The following DZIP3 variants were observed in gnomAD, a reference collection of about 807,000 sequenced individuals.
DZIP3 encodes E3 ubiquitin-protein ligase DZIP3.
A neutral mutation model predicts 162.0 loss-of-function variants in DZIP3; 118 were observed. The observed-to-expected ratio is 0.73, with a 90% CI of 0.63 to 0.85. DZIP3 has a LOEUF of 0.85. DZIP3 is among the 40% of genes least tolerant of loss of function. The pLI, the probability that DZIP3 is intolerant of heterozygous loss-of-function variation, is 0.00. For missense variants in DZIP3, 1,331 were observed against 1,407.0 expected (o/e 0.95, Z 0.86); for synonymous variants, 438 against 458.6 (o/e 0.96, Z 0.57).
Position 108,611,224 on chromosome 3 carries a change from A to C in DZIP3, c.153A>C (p.Leu51=). The C allele has an allele frequency of 6.2e-7, 1 of 1,611,862 alleles. No individual in the cohort carries two copies. Among genetic ancestry groups the C allele is most frequent in the East Asian group, 2.2e-5 (1 of 44,774 alleles). ...CTGATCTTGTCCCTGTTAACCTACT[A>C]TTAGAAGTGAAGAAGTTATTAAATG... ...IPTDLVPVNL[L]LEVKKLLNAI... is the part of the protein sequence containing the mutation. Residue 51 remains leucine, a synonymous_variant, in exon 4 of 33, where the codon CTA becomes CTC. Transcript: ENST00000361582.
chr3:108,650,743 T>C (rs1018479089), intron 17 of DZIP3, among the ~76,000 whole-genome samples: 3 of 151,644 alleles, frequency 2.0e-5, no homozygotes, highest in African/African-American at 7.2e-5. Flanking sequence ...ATACATTGTG[T>C]CTAAAGGTAT....
chr3:108,690,459 G>T (rs1437095385), intron 31 of DZIP3, among the ~76,000 whole-genome samples: 1 of 152,158 alleles, frequency 6.6e-6, no homozygotes, highest in East Asian at 1.9e-4. Flanking sequence ...GATTATAAAT[G>T]AGAACAGTAT....
At chr3:108,599,530 G>C (rs1939883287) in intron 1 of DZIP3, among the ~76,000 whole-genome samples, 1 of 152,074 alleles carries the variant, frequency 6.6e-6, no homozygotes, top group South Asian at 2.1e-4. Flanking sequence ...TAACCTAATG[G>C]CCTCAGCCAT....
chr3:108,676,514 A>C (rs1944115373), intron 25 of DZIP3, among the ~76,000 whole-genome samples: 1 of 152,014 alleles, frequency 6.6e-6, no homozygotes, highest in African/African-American at 2.4e-5. Context: ...AATCCACTGA[A>C]TATTTATTAA....
At position 108,661,891 on chromosome 3, in the gene DZIP3, A is replaced by C. The variant is rs912979841; in HGVS notation, c.2214A>C (p.Lys738Asn). Residue 738 changes from lysine (K) to asparagine (N), a missense_variant, in exon 20 of 33, where the codon AAA becomes AAC. Transcript: ENST00000361582. ...GTGCTCAATAGGGCTCAGCTGGCAA[A>C]GTAACTACAGACTATGGAGAAACTG... is the stretch of plus-strand genomic sequence containing the variant. ...LDMIEQGSAG[K>N]VTTDYGETEK... is the part of the protein sequence containing the mutation. 4.3e-6 allele frequency: 7 copies of C among 1,613,708 alleles called. No individual in the cohort carries two copies. Among genetic ancestry groups the C allele is most frequent in the Non-Finnish European group, 5.9e-6 (7 of 1,179,826 alleles).
chr3:108,647,176 C>T (rs1942662082), intron 15 of DZIP3, among the ~76,000 whole-genome samples: 1 of 152,164 alleles, frequency 6.6e-6, no homozygotes, highest in Non-Finnish European at 1.5e-5. Flanking sequence ...ACGTTTTACT[C>T]ACAAAAACTT....
chr3:108,648,891 T>A lies in DZIP3; in HGVS notation c.1963-27T>A, dbSNP rs541123684. Reference sequence around the variant, plus strand: ...CCCATTGGGCAATTTGAATTACATATTTAATAAATAATTTTTTACCTACTA... The same window carrying A: ...CCCATTGGGCAATTTGAATTACATAATTAATAAATAATTTTTTACCTACTA... On this transcript the variant is annotated intron_variant, in intron 16 of 32. Coordinates refer to ENST00000361582, the MANE Select transcript of DZIP3 (RefSeq NM_014648.4). The A allele has an allele frequency of 5.7e-5, 63 of 1,105,530 alleles. No homozygotes were observed. The South Asian group carries it at 9.4e-4, about 16-fold the overall frequency. The allele number at this position is 1,105,530 out of a possible 1,614,324, so 68.5% of individuals were successfully genotyped here.
chr3:108,629,039 C>T (rs1941710753), intron 7 of DZIP3, 23 bp from the exon 8 acceptor site: 1 of 1,484,502 alleles, frequency 6.7e-7, no homozygotes. Flanking sequence ...TTCAAACTAA[C>T]CTTATTTTAA....
chr3:108,687,777 C>G (rs1263440345), intron 28 of DZIP3, among the ~76,000 whole-genome samples, 199 bp from the exon 29 acceptor site: 1 of 152,098 alleles, frequency 6.6e-6, no homozygotes, highest in African/African-American at 2.4e-5. Context: ...TTAATGAACA[C>G]AATTAGGAGT....
chr3:108,667,439 A>G (rs532872628), intron 21 of DZIP3, among the ~76,000 whole-genome samples: 14 of 152,300 alleles, frequency 9.2e-5, no homozygotes, highest in African/African-American at 3.1e-4. Context: ...GAAATGACAA[A>G]ATTATAAAAA....
At chr3:108,608,726 G>A (rs1576352387) in intron 3 of DZIP3, among the ~76,000 whole-genome samples, 1 of 152,094 alleles carries the variant, frequency 6.6e-6, no homozygotes, top group East Asian at 1.9e-4. Flanking sequence ...TATATTTTGT[G>A]AAAGACTGAT....
intron 1 of DZIP3, among the ~76,000 whole-genome samples, chr3:108,590,503 T>G (rs1177594901): frequency 6.6e-6 from 1 of 152,234 alleles, no homozygotes; most frequent in African/African-American, 2.4e-5. Context: ...TAAAAATCTT[T>G]GGGTAGCTTG....
intron 21 of DZIP3, among the ~76,000 whole-genome samples, chr3:108,663,374 T>C (rs1324916178): frequency 6.6e-6 from 1 of 151,820 alleles, no homozygotes; most frequent in Non-Finnish European, 1.5e-5. Flanking sequence ...CTGACCAACA[T>C]GGAAAAACCC....
chr3:108,608,448 T>G (rs2107495378), intron 3 of DZIP3, among the ~76,000 whole-genome samples: 1 of 152,160 alleles, frequency 6.6e-6, no homozygotes, highest in East Asian at 1.9e-4. Flanking sequence ...AAGAAATCCC[T>G]CATTTGTTTT....
Position 108,611,212 on chromosome 3 carries a change from T to G in DZIP3, c.141T>G (p.Pro47=), listed in dbSNP as rs1559724793. 6.2e-7 allele frequency: 1 copy of G among 1,609,246 alleles called. No homozygotes were observed. The highest frequency in any genetic ancestry group is 1.7e-4 in the Middle Eastern group (1 of 6,002). The change falls in exon 4 of 33, where the codon CCT becomes CCG. Residue 47 remains proline (P), a synonymous_variant. Coordinates refer to ENST00000361582, the MANE Select transcript of DZIP3 (RefSeq NM_014648.4). The part of the protein sequence containing the change: ...QENDIPTDLV[P]VNLLLEVKKL... ...ATGACATACCTACTGATCTTGTCCC[T>G]GTTAACCTACTATTAGAAGTGAAGA...
chr3:108,669,838 C>A (rs1394658264), intron 22 of DZIP3, 89 bp downstream of exon 22: 4 of 1,072,278 alleles, frequency 3.7e-6, no homozygotes, highest in African/African-American at 1.6e-5. Context: ...TGTAATTTAT[C>A]ATTCAAACCG....
chr3:108,594,904 A>T (rs930570419), intron 1 of DZIP3, among the ~76,000 whole-genome samples: 2 of 152,190 alleles, frequency 1.3e-5, no homozygotes, highest in African/African-American at 4.8e-5. Context: ...TAGACCAAAA[A>T]CTTTTAAAAA....
chr3:108,649,122 C>G (rs531376263), intron 17 of DZIP3, among the ~76,000 whole-genome samples, 160 bp downstream of exon 17: 1 of 151,764 alleles, frequency 6.6e-6, no homozygotes, highest in East Asian at 1.9e-4. Flanking sequence ...TATGTTATAT[C>G]CTGAATGATT....
At chr3:108,622,878 C>G (rs58995214) in intron 5 of DZIP3, among the ~76,000 whole-genome samples, 4,429 of 79,058 alleles carry the variant, frequency 0.056, 131 homozygotes, top group African/African-American at 0.091. Context: ...CTCTCTCTCT[C>G]TCTGTGTGTG....
Sources: gnomAD v4.1 joint callset for allele counts (sites outside exome capture counted in the v4.1 genomes callset) on GRCh38, gnomAD v4.1.1 for gene constraint, MANE v1.5 for transcripts, NCBI Gene and HGNC (gene_info 2026-07-23, HGNC 2026-07-21) for gene names.